EXOC4: variants seen among roughly 807,000 people sequenced by gnomAD.
EXOC4 encodes SEC8-like 1.
Under a neutral mutation model 107.2 loss-of-function variants are expected in EXOC4, and 71 were observed. That is an observed-to-expected ratio of 0.66 (90% CI 0.55 to 0.81). The LOEUF is 0.81. Ranked by LOEUF, EXOC4 falls within the 30% of genes least tolerant of loss-of-function variation. The pLI, the probability that EXOC4 is intolerant of heterozygous loss-of-function variation, is 0.00. For synonymous variants in EXOC4, 456 were observed against 441.2 expected, an observed-to-expected ratio of 1.03 and a Z score of -0.42; for missense variants, 1,108 against 1,189.6, an observed-to-expected ratio of 0.93 and a Z score of 1.01.
At chr7:133,299,731 C>G (rs1001475717) in intron 3 of EXOC4, among the ~76,000 whole-genome samples, 3 of 152,120 alleles carry the variant, frequency 2.0e-5, no homozygotes, top group African/African-American at 4.8e-5. Flanking sequence ...TGCAGGCCCC[C>G]CTCCCTTCAT....
chr7:133,528,438 C>CT (rs1800120575), intron 9 of EXOC4, among the ~76,000 whole-genome samples: 1 of 151,904 alleles, frequency 6.6e-6, no homozygotes, highest in African/African-American at 2.4e-5. Context: ...TTAGTGATTC[C>CT]TTGATAGGAG....
intron 17 of EXOC4, among the ~76,000 whole-genome samples, chr7:134,062,802 A>G (rs375381804): frequency 1.2e-3 from 189 of 152,292 alleles, no homozygotes; most frequent in Middle Eastern, 0.01. Context: ...AAGAATGGTG[A>G]GTGGTCATCT....
intron 7 of EXOC4, among the ~76,000 whole-genome samples, chr7:133,378,335 AGGC>A (rs58146064): frequency 0.029 from 4,287 of 150,350 alleles, 220 homozygotes; most frequent in African/African-American, 0.096. Context: ...AGAGTTTTTC[AGGC>A]TGAAGGAAAA....
chr7:134,080,962 A>G, the EXOC4 span, among the ~76,000 whole-genome samples: 2 of 152,114 alleles, frequency 1.3e-5, no homozygotes, highest in Non-Finnish European at 2.9e-5. Context: ...AAACACATAA[A>G]TAAAAGCATG....
intron 10 of EXOC4, among the ~76,000 whole-genome samples, chr7:133,766,497 A>T (rs1796141609): frequency 6.6e-6 from 1 of 151,960 alleles, no homozygotes; most frequent in African/African-American, 2.4e-5. Context: ...CCTCAGTGGA[A>T]TTTGGACTGG....
chr7:133,971,334 G>GTATATATATATATATATATA (rs1206467959), intron 14 of EXOC4, among the ~76,000 whole-genome samples: 45 of 41,774 alleles, frequency 1.1e-3, no homozygotes, highest in South Asian at 1.5e-3. Flanking sequence ...GGGAAAATGT[G>GTATATATATATATATATATA]TATATATATA....
At chr7:133,848,549 A>G (rs1301175798) in intron 11 of EXOC4, among the ~76,000 whole-genome samples, 1 of 152,254 alleles carries the variant, frequency 6.6e-6, no homozygotes, top group Non-Finnish European at 1.5e-5. Context: ...TCTGTATAAC[A>G]CAGACCTTCT....
chr7:133,386,967 A>G (rs928792095), intron 7 of EXOC4, among the ~76,000 whole-genome samples: 1 of 152,206 alleles, frequency 6.6e-6, no homozygotes, highest in African/African-American at 2.4e-5. Flanking sequence ...AAATGTATGT[A>G]TAATCTGGTT....
chr7:133,738,658 T>C (rs1428192773), intron 10 of EXOC4, among the ~76,000 whole-genome samples: 1 of 152,206 alleles, frequency 6.6e-6, no homozygotes, highest in East Asian at 1.9e-4. Context: ...ACATCATTTT[T>C]AGGGAATATG....
chr7:133,378,919 AAGAC>A (rs1427457437), intron 7 of EXOC4, among the ~76,000 whole-genome samples: 2 of 152,144 alleles, frequency 1.3e-5, no homozygotes, highest in Admixed American at 6.5e-5. Context: ...CTCCAGTTGA[AAGAC>A]AGAGATCATA....
intron 17 of EXOC4, among the ~76,000 whole-genome samples, chr7:134,036,675 A>G (rs1795398129): frequency 6.6e-6 from 1 of 152,222 alleles, no homozygotes. Flanking sequence ...TAGATTCTAG[A>G]AGTTTCTTCA....
intron 2 of EXOC4, among the ~76,000 whole-genome samples, chr7:133,287,164 T>C (rs1208044399): frequency 6.6e-6 from 1 of 152,224 alleles, no homozygotes; most frequent in East Asian, 1.9e-4. Flanking sequence ...TCTTCCTCTC[T>C]GTTCTCTCTT....
intron 11 of EXOC4, among the ~76,000 whole-genome samples, chr7:133,840,492 T>TA (rs1798003369): frequency 2.0e-5 from 3 of 152,016 alleles, no homozygotes; most frequent in African/African-American, 7.2e-5. Flanking sequence ...TTTTTTATTG[T>TA]ATTTTATTTA....
intron 17 of EXOC4, among the ~76,000 whole-genome samples, chr7:134,053,100 G>A (rs1795834535): frequency 6.6e-6 from 1 of 152,024 alleles, no homozygotes; most frequent in Admixed American, 6.6e-5. Context: ...GTCTTCTTAG[G>A]CCAAGGGGTA....
rs915128631 is a variant in EXOC4 at position 133,464,146 on chromosome 7, C to T, written c.1183-11182C>T. Among the ~76,000 whole-genome samples the T allele has an allele frequency of 2.6e-5, 4 of 152,170 alleles. No homozygotes were observed. In the East Asian group the frequency reaches 5.8e-4, roughly 22 times the overall value. ...TTGTATGCGTTATTAAAAAAATTCT[C>T]ATTTAATTCTATGAAGTAGTTCTTT... On this transcript the variant is annotated intron_variant, in intron 7 of 17. Coordinates refer to ENST00000253861, the MANE Select transcript of EXOC4 (RefSeq NM_021807.4).
chr7:133,971,945 A>G (rs558336899), intron 14 of EXOC4, among the ~76,000 whole-genome samples: 13 of 152,318 alleles, frequency 8.5e-5, no homozygotes, highest in Middle Eastern at 3.4e-3. Flanking sequence ...CACTTCTTTG[A>G]AATGAGGAAT....
At chr7:133,343,576 T>C (rs1342548773) in intron 5 of EXOC4, among the ~76,000 whole-genome samples, 1 of 151,926 alleles carries the variant, frequency 6.6e-6, no homozygotes, top group African/African-American at 2.4e-5. Flanking sequence ...GCACTCGACT[T>C]AATCTTGTCT....
intron 9 of EXOC4, among the ~76,000 whole-genome samples, chr7:133,595,850 A>G (rs1441593962): frequency 6.6e-6 from 1 of 152,210 alleles, no homozygotes; most frequent in Non-Finnish European, 1.5e-5. Flanking sequence ...AAGCTGATGG[A>G]AAGGCTCAGA....
At chr7:134,077,860 A>G in the EXOC4 span, among the ~76,000 whole-genome samples, 1 of 152,266 alleles carries the variant, frequency 6.6e-6, no homozygotes, top group Non-Finnish European at 1.5e-5. Flanking sequence ...TGTACTTCTT[A>G]GATAAAACAG....
Sources: allele counts gnomAD v4.1 joint callset (sites outside exome capture counted in the v4.1 genomes callset), GRCh38; gene constraint gnomAD v4.1.1; transcripts MANE v1.5; gene names NCBI Gene and HGNC (gene_info 2026-07-23, HGNC 2026-07-21).